SLA2: variants seen among roughly 807,000 people sequenced by gnomAD.
SLA2 encodes Src like adaptor 2, also known as src-like-adapter 2.
In SLA2, 22 loss-of-function variants were observed where a neutral mutation model predicts 27.3. That is an observed-to-expected ratio of 0.81 (90% confidence interval 0.58 to 1.15). SLA2 has a LOEUF of 1.15. Among genes scored for constraint, SLA2 ranks in the 50% most tolerant of loss-of-function variants. The probability of loss-of-function intolerance (pLI) is 0.00; values close to 1 mark genes in which losing one functional copy is unlikely to be tolerated. For synonymous variants in SLA2, 131 were observed against 137.8 expected (o/e 0.95, Z 0.34); for missense variants, 304 against 322.2 (o/e 0.94, Z 0.43).
At chr20:36,617,064 A>G (rs2039220696) in intron 5 of SLA2, among the ~76,000 whole-genome samples, 1 of 151,418 alleles carries the variant, frequency 6.6e-6, no homozygotes, top group Admixed American at 6.6e-5. Context: ...TAAATAAAAA[A>G]CCCAAGGCCG....
chr20:36,620,471 T>G, intron 5 of SLA2: 1 of 227,846 alleles, frequency 4.4e-6, no homozygotes, highest in Non-Finnish European at 8.7e-6. Flanking sequence ...ACCATAGAAG[T>G]TATGGAAGAC....
At chr20:36,634,862 G>GCCT in intron 2 of SLA2, among the ~76,000 whole-genome samples, 1 of 151,950 alleles carries the variant, frequency 6.6e-6, no homozygotes, top group Non-Finnish European at 1.5e-5. Context: ...ACTGCACGTA[G>GCCT]GCTGAGCGAC....
chr20:36,628,832 A>C (rs1197959968), intron 5 of SLA2, among the ~76,000 whole-genome samples: 5 of 152,058 alleles, frequency 3.3e-5, no homozygotes, highest in Non-Finnish European at 2.9e-5. Flanking sequence ...CTGGGATTAC[A>C]GGTGTGAGAC....
At position 36,641,313 on chromosome 20, in the gene SLA2, C is replaced by A. The variant is rs1459392025; in HGVS notation, c.23G>T (p.Arg8Ile). 2.5e-6 allele frequency: 4 copies of A among 1,613,956 alleles called. No homozygotes were observed. The highest frequency in any genetic ancestry group is 3.4e-6 in the Non-Finnish European group (4 of 1,179,958). Reference protein sequence around the residue: MGSLPSRRKSLPSPSLSS... With the variant: MGSLPSRIKSLPSPSLSS... Reference sequence around the variant, plus strand: ...CAAGCTTGGGCTTGGCAGAGATTTTCTTCTGCTGGGCAGACTTCCCATTGT... The same window carrying A: ...CAAGCTTGGGCTTGGCAGAGATTTTATTCTGCTGGGCAGACTTCCCATTGT... Residue 8 changes from arginine (R) to isoleucine (I), a missense_variant, in exon 2 of 8, where the codon AGA becomes ATA. By Grantham distance (97) the Arg-to-Ile change is moderately conservative. Transcript: ENST00000262866.
intron 5 of SLA2, among the ~76,000 whole-genome samples, chr20:36,616,908 G>T (rs901152889): frequency 3.1e-4 from 47 of 152,024 alleles, no homozygotes; most frequent in Non-Finnish European, 1.2e-4. Context: ...AAGTTAGCTG[G>T]GTGTGGTGGT....
rs2039422585 is a variant in SLA2 at position 36,634,387 on chromosome 20, G to A, written c.191+103C>T. On this transcript the variant is annotated intron_variant, in intron 3 of 7. Coordinates refer to ENST00000262866, the MANE Select transcript of SLA2 (RefSeq NM_032214.4). ...CAGCCTTGAGCTCCCGAGCTCCAGC[G>A]ATTCTCCCACCTAAGCCTCCCAGAC... The A allele has an allele frequency of 7.1e-6, 6 of 839,658 alleles. No homozygotes were observed. In the South Asian group the frequency reaches 7.3e-5, roughly 10 times the overall value. The allele number at this position is 839,658 out of a possible 1,614,324, so 52.0% of individuals were successfully genotyped here.
chr20:36,628,889 T>C (rs2039365346), intron 5 of SLA2, among the ~76,000 whole-genome samples: 1 of 151,920 alleles, frequency 6.6e-6, no homozygotes, highest in South Asian at 2.1e-4. Context: ...AAATCAACCA[T>C]GACCCGCAGG....
chr20:36,635,579 C>G (rs1169363324), intron 2 of SLA2, among the ~76,000 whole-genome samples: 1 of 152,038 alleles, frequency 6.6e-6, no homozygotes, highest in Non-Finnish European at 1.5e-5. Flanking sequence ...CCACATCCTC[C>G]CAGACACGTG....
Position 36,633,544 on chromosome 20 carries a change from C to T in SLA2, c.277G>A (p.Gly93Arg). 6.2e-7 allele frequency: 1 copy of T among 1,613,862 alleles called. No homozygotes were observed. The highest frequency in any genetic ancestry group is 8.5e-7 in the Non-Finnish European group (1 of 1,179,778). Residue 93 changes from glycine to arginine, a missense_variant and splice_region_variant, in exon 4 of 8, where the codon GGG becomes AGG. Transcript: ENST00000262866. ...GGCGGGCCTGGGGTGGGAACTCACC[C>T]ATGGGAGACTTTGGCCACGTGGACG... is the stretch of plus-strand genomic sequence containing the variant. ...PSVHVAKVSHGWLYEGLSREK... is the reference protein window; with the variant it reads ...PSVHVAKVSHRWLYEGLSREK...
rs1021477128 is a variant in SLA2 at position 36,638,835 on chromosome 20, T to C, written c.91+2410A>G. Among the ~76,000 whole-genome samples, 3 of 152,150 alleles carry C rather than the reference T, an allele frequency of 2.0e-5. No homozygotes were observed. The East Asian group carries it at 5.8e-4, about 29-fold the overall frequency. On this transcript the variant is annotated intron_variant, in intron 2 of 7. Transcript: ENST00000262866. ...TCAAATACCAGTCTAGATGTTGCTG[T>C]GATTGAGATTGAATTTATTTATTTT...
chr20:36,646,174 T>A lies in SLA2; in HGVS notation c.-381A>T, dbSNP rs1978287955. ...CTGTCACAGAGACACAGGCGTGGGG[T>A]CCTTGGAGCTCTAGCTCCGACTGCA... On this transcript the variant is annotated 5_prime_UTR_variant, in exon 1 of 8. Coordinates refer to ENST00000262866, the MANE Select transcript of SLA2 (RefSeq NM_032214.4). 6.6e-6 allele frequency: 1 copy of A among 152,008 alleles called. No individual in the cohort carries two copies. 9.4% of individuals were successfully genotyped at this position (152,008 alleles called of 1,614,324 possible).
chr20:36,615,081 CA>C (rs2039192603), intron 6 of SLA2, 143 bp downstream of exon 6: 1 of 1,466,040 alleles, frequency 6.8e-7, no homozygotes, highest in Non-Finnish European at 9.0e-7. Flanking sequence ...CATTTCTTGG[CA>C]TAGGGACTGG....
intron 5 of SLA2, among the ~76,000 whole-genome samples, chr20:36,615,646 C>A (rs112056516): frequency 6.6e-6 from 1 of 152,246 alleles, no homozygotes; most frequent in African/African-American, 2.4e-5. Flanking sequence ...GCTGTTCTTA[C>A]AAAGACTCAG....
chr20:36,637,166 A>G (rs2039459132), intron 2 of SLA2, among the ~76,000 whole-genome samples: 1 of 147,806 alleles, frequency 6.8e-6, no homozygotes, highest in South Asian at 2.1e-4. Flanking sequence ...ATTAGTCAAG[A>G]TCTACCTCTA....
chr20:36,615,611 CTG>C (rs2039200901), intron 5 of SLA2, among the ~76,000 whole-genome samples: 2 of 152,292 alleles, frequency 1.3e-5, no homozygotes, highest in African/African-American at 4.8e-5. Context: ...GGGTCTGGCA[CTG>C]TGTGAGTGAA....
At chr20:36,635,175 A>G (rs906049867) in intron 2 of SLA2, among the ~76,000 whole-genome samples, 13 of 151,686 alleles carry the variant, frequency 8.6e-5, no homozygotes, top group African/African-American at 3.2e-4. Context: ...GCTCAGGCCA[A>G]CCAGACTCCC....
In SLA2 at chr20:36,612,930, G is replaced by A. The variant is rs2039158158; in HGVS notation, c.*936C>T. 1.3e-5 allele frequency: 2 copies of A among 153,144 alleles called. No homozygotes were observed. Among genetic ancestry groups the A allele is most frequent in the Non-Finnish European group, 2.9e-5 (2 of 68,734 alleles). The allele number at this position is 153,144 out of a possible 1,614,324, so 9.5% of individuals were successfully genotyped here. A position where few individuals can be genotyped will look rare whatever the true frequency, so the allele number is the denominator to read the frequency against. On this transcript the variant is annotated 3_prime_UTR_variant, in exon 8 of 8. Transcript: ENST00000262866. ...GCCACAAAATGAAATAGAGATCTGA[G>A]AGCTAGGCTGGGTGCCGTGGCTCAC...
At chr20:36,616,303 T>G (rs954076842) in intron 5 of SLA2, among the ~76,000 whole-genome samples, 10 of 148,288 alleles carry the variant, frequency 6.7e-5, no homozygotes, top group African/African-American at 2.6e-4. Flanking sequence ...ATGTTTCATT[T>G]TTTCATTTTT....
Position 36,632,825 on chromosome 20 carries a change from G to A in SLA2, c.279-127C>T, listed in dbSNP as rs963519425. The stretch of plus-strand genomic sequence containing the variant: ...CTCTCTGGGCCTCAGAGTTCTATCT[G>A]CTCCACGAAGAGCTGGGCTCAGGGT... On this transcript the variant is annotated intron_variant, in intron 4 of 7. Transcript: ENST00000262866. 17 of 703,134 alleles carry A rather than the reference G, an allele frequency of 2.4e-5. No individual in the cohort carries two copies. In the African/African-American group the frequency reaches 3.0e-4, roughly 12 times the overall value. The allele number at this position is 703,134 out of a possible 1,614,324, so 43.6% of individuals were successfully genotyped here. A position where few individuals can be genotyped will look rare whatever the true frequency, so the allele number is the denominator to read the frequency against.
Sources: gnomAD v4.1 joint callset for allele counts (sites outside exome capture counted in the v4.1 genomes callset) on GRCh38, gnomAD v4.1.1 for gene constraint, MANE v1.5 for transcripts, NCBI Gene and HGNC (gene_info 2026-07-23, HGNC 2026-07-21) for gene names.